FSTL5: variants seen among roughly 807,000 people sequenced by gnomAD.
FSTL5 encodes follistatin-related protein 5.
In FSTL5, 62 loss-of-function variants were observed where a neutral mutation model predicts 89.1. That is an observed-to-expected ratio of 0.70 (90% CI 0.57 to 0.86). The LOEUF (loss-of-function observed/expected upper bound fraction) is 0.86. FSTL5 is among the 40% of genes least tolerant of loss of function. The probability of loss-of-function intolerance (pLI) is 0.00; values close to 1 mark genes in which losing one functional copy is unlikely to be tolerated. For synonymous variants in FSTL5, 383 were observed against 346.2 expected, an observed-to-expected ratio of 1.11 and a Z score of -1.18; for missense variants, 1,057 against 1,001.6, an observed-to-expected ratio of 1.06 and a Z score of -0.75.
At chr4:162,120,776 C>G (rs1427401705) in intron 1 of FSTL5, among the ~76,000 whole-genome samples, 1 of 151,952 alleles carries the variant, frequency 6.6e-6, no homozygotes, top group Non-Finnish European at 1.5e-5. Flanking sequence ...CTGACTATAA[C>G]CTCTTCACTA....
chr4:161,976,852 T>C (rs144365016), intron 3 of FSTL5, among the ~76,000 whole-genome samples: 59 of 152,280 alleles, frequency 3.9e-4, no homozygotes, highest in African/African-American at 1.3e-3. Context: ...AAAAGGAAAG[T>C]ATTCTACATA....
intron 1 of FSTL5, 120 bp from the exon 2 acceptor site, chr4:162,111,532 G>T: frequency 1.5e-6 from 1 of 664,192 alleles, no homozygotes; most frequent in Non-Finnish European, 2.4e-6. Flanking sequence ...CTTGCTGGTA[G>T]TTGCCAAGGG....
intron 4 of FSTL5, among the ~76,000 whole-genome samples, chr4:161,882,113 T>C (rs561598528): frequency 6.6e-6 from 1 of 152,160 alleles, no homozygotes; most frequent in Non-Finnish European, 1.5e-5. Flanking sequence ...TCTTCTAACA[T>C]TTGATTAAAT....
At chr4:161,431,481 T>A (rs1393762814) in intron 15 of FSTL5, among the ~76,000 whole-genome samples, 2 of 146,766 alleles carry the variant, frequency 1.4e-5, no homozygotes, top group Admixed American at 6.8e-5. Context: ...AACGTAAAAA[T>A]CAACAAATGA....
chr4:161,619,797 T>C (rs1266196217), intron 7 of FSTL5, among the ~76,000 whole-genome samples: 1 of 152,092 alleles, frequency 6.6e-6, no homozygotes, highest in Non-Finnish European at 1.5e-5. Context: ...CTCAGGGACC[T>C]AGAACTAGAA....
intron 1 of FSTL5, among the ~76,000 whole-genome samples, chr4:162,141,505 C>T (rs1485271345): frequency 6.6e-6 from 1 of 152,118 alleles, no homozygotes; most frequent in East Asian, 1.9e-4. Flanking sequence ...TTAGATAACT[C>T]CCAGAAGCAG....
chr4:162,155,067 A>G (rs1733412734), intron 1 of FSTL5, among the ~76,000 whole-genome samples: 2 of 152,184 alleles, frequency 1.3e-5, no homozygotes, highest in African/African-American at 2.4e-5. Context: ...CTCTTGTATA[A>G]TCACCTCACC....
At chr4:161,540,453 T>C (rs936140667) in intron 9 of FSTL5, among the ~76,000 whole-genome samples, 17 of 152,320 alleles carry the variant, frequency 1.1e-4, no homozygotes, top group African/African-American at 3.1e-4. Flanking sequence ...GTGAGGTAAA[T>C]AGAAGTGATC....
At chr4:162,123,181 A>G (rs1310543985) in intron 1 of FSTL5, among the ~76,000 whole-genome samples, 1 of 152,148 alleles carries the variant, frequency 6.6e-6, no homozygotes, top group Non-Finnish European at 1.5e-5. Flanking sequence ...TTTATTGTAC[A>G]AGAAAAAAAA....
At chr4:161,528,904 C>T (rs1316650056) in intron 10 of FSTL5, among the ~76,000 whole-genome samples, 3 of 142,714 alleles carry the variant, frequency 2.1e-5, no homozygotes, top group African/African-American at 7.5e-5. Flanking sequence ...TCAGCACTGT[C>T]ACTATATGTT....
At position 161,386,054 on chromosome 4, in the gene FSTL5, G is replaced by GC. The variant is rs747291784; in HGVS notation, c.2236_2237insG (p.Pro746ArgfsTer5). 1 of 1,613,874 alleles carries GC rather than the reference G, an allele frequency of 6.2e-7. No homozygotes were observed. Among genetic ancestry groups the GC allele is most frequent in the African/African-American group, 1.3e-5 (1 of 74,890 alleles). ...ATATTGGTGGGCTTCAGTAAAGGAT[G>GC]GTTGAAATGCCAGATCAGATATGTG... On this transcript the variant is annotated frameshift_variant, in exon 16 of 16. Transcript: ENST00000306100. LOFTEE classifies it high-confidence loss of function.
intron 4 of FSTL5, among the ~76,000 whole-genome samples, chr4:161,840,638 T>C (rs1731180875): frequency 6.6e-6 from 1 of 152,146 alleles, no homozygotes; most frequent in African/African-American, 2.4e-5. Context: ...TTCCGGGATA[T>C]TTCTCCTCAA....
intron 3 of FSTL5, among the ~76,000 whole-genome samples, chr4:161,955,887 T>C (rs558856445): frequency 6.6e-6 from 1 of 150,558 alleles, no homozygotes; most frequent in Non-Finnish European, 1.5e-5. Context: ...AGAGAGGTGG[T>C]TTTTTTTTGT....
At chr4:162,154,746 AAG>A (rs1397724766) in intron 1 of FSTL5, among the ~76,000 whole-genome samples, 2 of 152,166 alleles carry the variant, frequency 1.3e-5, no homozygotes, top group Non-Finnish European at 2.9e-5. Flanking sequence ...CAAGCATAAA[AAG>A]AGAATAAAAT....
chr4:161,594,435 C>T (rs1733937514), intron 7 of FSTL5, among the ~76,000 whole-genome samples: 1 of 151,944 alleles, frequency 6.6e-6, no homozygotes, highest in Non-Finnish European at 1.5e-5. Context: ...ATAGTCTTTC[C>T]CTTTCTAGTA....
At chr4:161,593,142 A>G (rs184511471) in intron 7 of FSTL5, among the ~76,000 whole-genome samples, 5 of 152,258 alleles carry the variant, frequency 3.3e-5, no homozygotes, top group Admixed American at 3.3e-4. Context: ...ATATTTATCA[A>G]TAAAAAGCAA....
intron 4 of FSTL5, among the ~76,000 whole-genome samples, chr4:161,848,845 T>C (rs1173071260): frequency 4.6e-5 from 7 of 152,144 alleles, no homozygotes; most frequent in African/African-American, 1.4e-4. Flanking sequence ...CACATCTCAC[T>C]TTTACTTGCA....
At chr4:161,489,689 T>G (rs1202292028) in intron 12 of FSTL5, among the ~76,000 whole-genome samples, 1 of 152,064 alleles carries the variant, frequency 6.6e-6, no homozygotes, top group East Asian at 1.9e-4. Context: ...CTAAAGAAAA[T>G]AATTACCACA....
chr4:161,894,658 T>G (rs992795155), intron 4 of FSTL5, among the ~76,000 whole-genome samples: 1 of 152,128 alleles, frequency 6.6e-6, no homozygotes, highest in Non-Finnish European at 1.5e-5. Flanking sequence ...TTTGTATTTT[T>G]AGTAGCGATG....
Sources: gnomAD v4.1 joint callset for allele counts (sites outside exome capture counted in the v4.1 genomes callset) on GRCh38, gnomAD v4.1.1 for gene constraint, MANE v1.5 for transcripts, NCBI Gene and HGNC (gene_info 2026-07-23, HGNC 2026-07-21) for gene names.